The following CACNA2D4 variants were observed in gnomAD, a reference collection of about 807,000 sequenced individuals.
CACNA2D4 encodes the protein calcium voltage-gated channel auxiliary subunit alpha2delta 4.
In CACNA2D4, 157 loss-of-function variants were observed where a neutral mutation model predicts 163.8. That is an observed-to-expected ratio of 0.96 (90% confidence interval 0.84 to 1.09). The LOEUF (loss-of-function observed/expected upper bound fraction) is 1.09. CACNA2D4 is among the 50% of genes least tolerant of loss of function. CACNA2D4 has a pLI of 0.00. For missense variants in CACNA2D4, 1,410 were observed against 1,479.9 expected, an observed-to-expected ratio of 0.95 and a Z score of 0.78; for synonymous variants, 598 against 586.9, an observed-to-expected ratio of 1.02 and a Z score of -0.27.
At chr12:1,904,872 C>A (rs1398897911) in intron 6 of CACNA2D4, among the ~76,000 whole-genome samples, 5 of 151,808 alleles carry the variant, frequency 3.3e-5, no homozygotes, top group African/African-American at 1.2e-4. Flanking sequence ...AAACAAATAG[C>A]AAAATGATGG....
rs921318198 is a variant in CACNA2D4 at position 1,792,086 on chromosome 12, T to A, written c.*1569A>T. 1.3e-5 allele frequency: 2 copies of A among 152,272 alleles called. No homozygotes were observed. The highest frequency in any genetic ancestry group is 2.4e-5 in the African/African-American group (1 of 41,474). 9.4% of individuals were successfully genotyped at this position (152,272 alleles called of 1,614,324 possible). A position where few individuals can be genotyped will look rare whatever the true frequency, so the allele number is the denominator to read the frequency against. ...GTAATTTGGAGGCAATTTTCAACTC[T>A]GCTGCAGTTTCTATAACATGGGACT... On this transcript the variant is annotated 3_prime_UTR_variant, in exon 38 of 38. Coordinates refer to ENST00000382722, the MANE Select transcript of CACNA2D4 (RefSeq NM_172364.5).
chr12:1,916,482 G>A (rs1004577301), intron 1 of CACNA2D4, among the ~76,000 whole-genome samples: 1 of 152,216 alleles, frequency 6.6e-6, no homozygotes, highest in South Asian at 2.1e-4. Context: ...GAAATTCTGA[G>A]GGCAGGAGGG....
At chr12:1,826,716 G>A (rs530321516) in intron 26 of CACNA2D4, among the ~76,000 whole-genome samples, 2 of 152,270 alleles carry the variant, frequency 1.3e-5, no homozygotes, top group South Asian at 2.1e-4. Context: ...CGGGGGCAGA[G>A]CCGACTGTCC....
chr12:1,844,324 C>A lies in CACNA2D4; in HGVS notation c.2470+78G>T. The A allele has an allele frequency of 6.6e-7, 1 of 1,525,902 alleles. No homozygotes were observed. Among genetic ancestry groups the A allele is most frequent in the South Asian group, 1.2e-5 (1 of 83,194 alleles). 94.5% of individuals were successfully genotyped at this position (1,525,902 alleles called of 1,614,324 possible). A position where few individuals can be genotyped will look rare whatever the true frequency, so the allele number is the denominator to read the frequency against. The stretch of plus-strand genomic sequence containing the variant: ...TATTCCATATCTCGTTCCCATTTCC[C>A]ACTAAGAGCACAGCAGGAGGAGAGA... On this transcript the variant is annotated intron_variant, in intron 25 of 37. Transcript: ENST00000382722. This position sits in a 1 kb window ranked among gnomAD's most constrained non-coding sequence, Gnocchi z 4.2.
Position 1,798,895 on chromosome 12 carries a change from C to G in CACNA2D4, c.2995+780G>C, listed in dbSNP as rs1267699475. On this transcript the variant is annotated intron_variant, in intron 34 of 37. Transcript: ENST00000382722. This position sits in a 1 kb window ranked among gnomAD's most constrained non-coding sequence, Gnocchi z 4.3. ...TGTGAGTCCAGAAGGAGTCTGGAGA[C>G]ACAGCCCGAACTGCCCTGAGCCCAG... 1.3e-5 allele frequency among the ~76,000 whole-genome samples: 2 copies of G among 152,180 alleles called. No homozygotes were observed. The highest frequency in any genetic ancestry group is 2.4e-5 in the African/African-American group (1 of 41,442).
At chr12:1,840,659 G>C (rs1864997988) in intron 26 of CACNA2D4, 80 bp downstream of exon 26, 2 of 1,183,838 alleles carry the variant, frequency 1.7e-6, no homozygotes, top group African/African-American at 3.0e-5. Context: ...ACATGTGCAG[G>C]GCCTTCTGCT....
rs1403210493 is a variant in CACNA2D4 at position 1,829,412 on chromosome 12, A to G, written c.2551+11327T>C. Among the ~76,000 whole-genome samples the G allele has an allele frequency of 1.3e-5, 2 of 151,872 alleles. No homozygotes were observed. Among genetic ancestry groups the G allele is most frequent in the Non-Finnish European group, 1.5e-5 (1 of 67,954 alleles). On this transcript the variant is annotated intron_variant, in intron 26 of 37. Transcript: ENST00000382722. The surrounding 1 kb of genome is among the most constrained non-coding windows in gnomAD (Gnocchi z 4.2). The stretch of plus-strand genomic sequence containing the variant: ...CAGAGGGGTGAGAGGGTGAGCGGAG[A>G]CATGAGGTAACCCAAGATGGCCAGA...
In CACNA2D4 at chr12:1,915,830, C is replaced by T. The variant is rs139195497; in HGVS notation, c.228-895G>A. On this transcript the variant is annotated intron_variant, in intron 1 of 37. Transcript: ENST00000382722. ...ATGGAGCGGAAGTGGTTTGCCTGTG[C>T]GATCCTTTCAAGATCAGCAGTCATC... Among the ~76,000 whole-genome samples, 24 of 152,330 alleles carry T rather than the reference C, an allele frequency of 1.6e-4. No homozygotes were observed. The East Asian group carries it at 2.5e-3, about 16-fold the overall frequency.
At chr12:1,916,566 G>C (rs1592756538) in intron 1 of CACNA2D4, among the ~76,000 whole-genome samples, 1 of 29,592 alleles carries the variant, frequency 3.4e-5, no homozygotes, top group Non-Finnish European at 5.8e-5. Context: ...CCACCTCCGG[G>C]GCAGGCAGAG....
intron 6 of CACNA2D4, among the ~76,000 whole-genome samples, chr12:1,896,597 C>A (rs1866405478): frequency 7.6e-6 from 1 of 132,324 alleles, no homozygotes. Flanking sequence ...GTTAGAATAG[C>A]TATTAATAAA....
intron 18 of CACNA2D4, among the ~76,000 whole-genome samples, chr12:1,865,960 G>C (rs1241243005): frequency 6.6e-6 from 1 of 152,216 alleles, no homozygotes; most frequent in African/African-American, 2.4e-5. Context: ...GTCCCTGAAT[G>C]AAGGCAGTTT....
At chr12:1,907,069 TGAACACTCTTGGCGAGTGCGC>T (rs1258477157) in intron 6 of CACNA2D4, among the ~76,000 whole-genome samples, 9 of 152,390 alleles carry the variant, frequency 5.9e-5, no homozygotes, top group Non-Finnish European at 1.0e-4. Flanking sequence ...AGATTGCTGT[TGAACACTCTTGGCGAGTGCGC>T]CTCATTTTTC....
rs1209979665 is a variant in CACNA2D4 at position 1,811,747 on chromosome 12, C to G, written c.2552-24G>C. 5.1e-6 allele frequency: 8 copies of G among 1,556,124 alleles called. No individual in the cohort carries two copies. In the East Asian group the frequency reaches 1.9e-4, roughly 38 times the overall value. ...GGCTACAGGGCAGAAAGAGAGAGGG[C>G]AAGGCCAGGGAAGAGACGGGGAGAG... On this transcript the variant is annotated intron_variant, in intron 26 of 37. Coordinates refer to ENST00000382722, the MANE Select transcript of CACNA2D4 (RefSeq NM_172364.5).
At chr12:1,796,420 T>G (rs745437754) in intron 35 of CACNA2D4, among the ~76,000 whole-genome samples, 3 of 152,142 alleles carry the variant, frequency 2.0e-5, no homozygotes, top group Non-Finnish European at 2.9e-5. Flanking sequence ...ATTTTGCAGA[T>G]GAGAGAATGG....
At chr12:1,915,019 C>A in intron 1 of CACNA2D4, 84 bp from the exon 2 acceptor site, 1 of 1,013,648 alleles carries the variant, frequency 9.9e-7, no homozygotes, top group Non-Finnish European at 1.6e-6. Context: ...TGGGTTCACA[C>A]ACATAGAAAG....
chr12:1,817,160 G>A (rs1170947865), intron 26 of CACNA2D4, among the ~76,000 whole-genome samples: 1 of 152,222 alleles, frequency 6.6e-6, no homozygotes, highest in East Asian at 1.9e-4. Flanking sequence ...CAGGTGCACA[G>A]CGAATACTTA....
chr12:1,804,078 G>A, intron 29 of CACNA2D4, among the ~76,000 whole-genome samples: 1 of 151,890 alleles, frequency 6.6e-6, no homozygotes, highest in Admixed American at 6.6e-5. Context: ...TCCAGCTGGA[G>A]TAAACTCTCT....
At chr12:1,905,760 T>A (rs983106025) in intron 6 of CACNA2D4, among the ~76,000 whole-genome samples, 24 of 152,188 alleles carry the variant, frequency 1.6e-4, no homozygotes, top group Admixed American at 1.4e-3. Flanking sequence ...ATTGTTAAGA[T>A]GTCAGTACTG....
At chr12:1,864,778 C>T (rs1865606192) in intron 18 of CACNA2D4, among the ~76,000 whole-genome samples, 2 of 152,254 alleles carry the variant, frequency 1.3e-5, no homozygotes, top group Non-Finnish European at 2.9e-5. Flanking sequence ...GCCTTCGTGC[C>T]GCGGACACGC....
Sources: allele counts gnomAD v4.1 joint callset (sites outside exome capture counted in the v4.1 genomes callset), GRCh38; gene constraint gnomAD v4.1.1; non-coding constraint Gnocchi (gnomAD v3.1); transcripts MANE v1.5; gene names NCBI Gene and HGNC (gene_info 2026-07-23, HGNC 2026-07-21).